Variants in VWA3A observed in about 807,000 individuals in gnomAD.
The protein encoded by VWA3A is von Willebrand factor A domain-containing protein 3A.
VWA3A carries 134 observed loss-of-function variants against 160.4 expected under a neutral mutation model. That is an observed-to-expected ratio of 0.84 (90% CI 0.73 to 0.96). VWA3A has a LOEUF of 0.96. VWA3A is among the 40% of genes least tolerant of loss of function. The probability of loss-of-function intolerance (pLI) is 0.00; values close to 1 mark genes in which losing one functional copy is unlikely to be tolerated. For missense variants in VWA3A, 1,310 were observed against 1,447.9 expected, an observed-to-expected ratio of 0.90 and a Z score of 1.55; for synonymous variants, 476 against 543.4, an observed-to-expected ratio of 0.88 and a Z score of 1.72.
At chr16:22,154,810 C>T (rs1257228824) in intron 31 of VWA3A, among the ~76,000 whole-genome samples, 4 of 150,068 alleles carry the variant, frequency 2.7e-5, no homozygotes, top group African/African-American at 4.9e-5. Flanking sequence ...AAAAATTAGC[C>T]GGGCGCGGTG....
intron 8 of VWA3A, among the ~76,000 whole-genome samples, chr16:22,113,914 A>G (rs2045593705): frequency 6.6e-6 from 1 of 152,166 alleles, no homozygotes. Context: ...GAAACTTTCT[A>G]TCAATACCAT....
intron 3 of VWA3A, among the ~76,000 whole-genome samples, chr16:22,099,317 C>T (rs1001229954): frequency 2.0e-5 from 3 of 152,146 alleles, no homozygotes; most frequent in Non-Finnish European, 4.4e-5. Context: ...TCCTCTCACT[C>T]CTTCATGGAG....
intron 2 of VWA3A, 114 bp downstream of exon 2, chr16:22,097,059 G>A (rs552224296): frequency 3.9e-5 from 26 of 667,714 alleles, no homozygotes; most frequent in East Asian, 1.1e-4. Context: ...TCTGCCCTCC[G>A]GGTTCATGCC....
At chr16:22,098,368 A>G (rs1180361379) in intron 3 of VWA3A, among the ~76,000 whole-genome samples, 1 of 152,242 alleles carries the variant, frequency 6.6e-6, no homozygotes, top group East Asian at 1.9e-4. Context: ...CACTTACAGG[A>G]AAGCAAGCTT....
Position 22,097,578 on chromosome 16 carries a change from G to A in VWA3A, c.108G>A (p.Arg36=). The change falls in exon 3 of 34, where the codon AGG becomes AGA. Residue 36 remains arginine, a synonymous_variant. Transcript: ENST00000389398. ...ATTACTTTATGTTTTGTAGCATTAGGAGAAACACTGGCAGAGATTCAAAGA... is the reference window on the plus strand; with the variant it reads ...ATTACTTTATGTTTTGTAGCATTAGAAGAAACACTGGCAGAGATTCAAAGA... ...ENMFLENHCI[R]RNTGRDSKKP... The A allele has an allele frequency of 2.6e-6, 4 of 1,551,460 alleles. No homozygotes were observed. Among genetic ancestry groups the A allele is most frequent in the Non-Finnish European group, 3.5e-6 (4 of 1,146,926 alleles).
In VWA3A at chr16:22,125,366, A is replaced by G. The variant is rs551585621; in HGVS notation, c.1533-812A>G. On this transcript the variant is annotated intron_variant, in intron 16 of 33. Coordinates refer to ENST00000389398, the MANE Select transcript of VWA3A (RefSeq NM_173615.5). ...GCACCATTGCACTCCAGCCTGGGCA[A>G]CAGAGAGAGACCGTCTAAATATATA... Among the ~76,000 whole-genome samples the G allele has an allele frequency of 2.6e-5, 4 of 152,066 alleles. No individual in the cohort carries two copies. In the South Asian group the frequency reaches 8.3e-4, roughly 32 times the overall value.
chr16:22,142,337 G>T (rs540514566), intron 24 of VWA3A, among the ~76,000 whole-genome samples: 6 of 152,238 alleles, frequency 3.9e-5, no homozygotes, highest in African/African-American at 1.4e-4. Context: ...TTGGGCATCT[G>T]GTGAGAGCTT....
At position 22,131,611 on chromosome 16, in the gene VWA3A, G is replaced by T. The variant is rs772195121; in HGVS notation, c.1754G>T (p.Gly585Val). ...WRWALNLRCR[G>V]SRNVLSALRK... is the part of the protein sequence containing the mutation. Reference sequence around the variant, plus strand: ...TGGGCCCTGAACCTGCGGTGTCGGGGCAGCAGGAACGTTCTCAGCGCCCTG... The same window carrying T: ...TGGGCCCTGAACCTGCGGTGTCGGGTCAGCAGGAACGTTCTCAGCGCCCTG... Residue 585 changes from glycine (G) to valine (V), a missense_variant, in exon 19 of 34, where the codon GGC becomes GTC. Transcript: ENST00000389398. 3 of 1,613,622 alleles carry T rather than the reference G, an allele frequency of 1.9e-6. No homozygotes were observed. The African/African-American group carries it at 4.0e-5, about 22-fold the overall frequency.
In VWA3A at chr16:22,119,037, G is replaced by A. The variant is rs199821757; in HGVS notation, c.1116+10G>A. ...CTGCACCATGGAGGAGGTAGGTGGT[G>A]CGAGTGTCAATTCTGGGGCCTTCTC... is the stretch of plus-strand genomic sequence containing the variant. On this transcript the variant is annotated intron_variant, in intron 12 of 33. Transcript: ENST00000389398. 1.6e-5 allele frequency: 25 copies of A among 1,601,476 alleles called. No homozygotes were observed. Among genetic ancestry groups the A allele is most frequent in the Non-Finnish European group, 2.0e-5 (24 of 1,173,934 alleles).
At chr16:22,134,025 G>A (rs2045997639) in intron 20 of VWA3A, among the ~76,000 whole-genome samples, 9 of 152,032 alleles carry the variant, frequency 5.9e-5, no homozygotes, top group Admixed American at 5.9e-4. Flanking sequence ...GTGCAGTGGT[G>A]CCATCATACT....
intron 29 of VWA3A, 30 bp from the exon 30 acceptor site, chr16:22,150,665 G>C (rs1363236509): frequency 6.3e-7 from 1 of 1,588,056 alleles, no homozygotes; most frequent in East Asian, 2.3e-5. Flanking sequence ...CCTCTCCCCT[G>C]AGCCTGACAG....
At chr16:22,138,108 C>A (rs1001324025) in intron 21 of VWA3A, among the ~76,000 whole-genome samples, 1 of 152,192 alleles carries the variant, frequency 6.6e-6, no homozygotes, top group Non-Finnish European at 1.5e-5. Context: ...GACTTGTTGG[C>A]ATGAGGGTTG....
chr16:22,107,447 TAAAG>T (rs1433686018), intron 6 of VWA3A, among the ~76,000 whole-genome samples: 1 of 152,046 alleles, frequency 6.6e-6, no homozygotes, highest in African/African-American at 2.4e-5. Context: ...CTGGGGTAGA[TAAAG>T]AAGAGAGTGG....
At chr16:22,132,314 G>A (rs1227757716) in intron 19 of VWA3A, among the ~76,000 whole-genome samples, 1 of 151,966 alleles carries the variant, frequency 6.6e-6, no homozygotes, top group African/African-American at 2.4e-5. Flanking sequence ...ACCTGGAGGG[G>A]GAGGTTGCGG....
At position 22,155,884 on chromosome 16, in the gene VWA3A, A is replaced by G. The variant is rs1294022542; in HGVS notation, c.3537A>G (p.Pro1179=). The G allele has an allele frequency of 6.2e-7, 1 of 1,614,012 alleles. No homozygotes were observed. Among genetic ancestry groups the G allele is most frequent in the Admixed American group, 1.7e-5 (1 of 60,028 alleles). Residue 1179 remains proline, a synonymous_variant, in exon 33 of 34, where the codon CCA becomes CCG. Coordinates refer to ENST00000389398, the MANE Select transcript of VWA3A (RefSeq NM_173615.5). ...TCCAGAAGAAAAATGATGCAGAACC[A>G]AAGGTCACTCTTTCCTAGAGAAGTG... ...SQLQKKNDAE[P]KVTLS
chr16:22,100,098 A>G (rs2045384068), intron 3 of VWA3A, 96 bp from the exon 4 acceptor site: 2 of 1,382,510 alleles, frequency 1.4e-6, no homozygotes, highest in Non-Finnish European at 1.9e-6. Context: ...AGATAGGGTC[A>G]GTCTGAGTTG....
At position 22,120,950 on chromosome 16, in the gene VWA3A, C is replaced by A. The variant is rs2045722569; in HGVS notation, c.1117-18C>A. 6.2e-7 allele frequency: 1 copy of A among 1,613,452 alleles called. No homozygotes were observed. Among genetic ancestry groups the A allele is most frequent in the Non-Finnish European group, 8.5e-7 (1 of 1,179,670 alleles). On this transcript the variant is annotated intron_variant, in intron 12 of 33. Transcript: ENST00000389398. ...CTAAAATATGATTATGTAATGAGGGCTTTCTCATTTAACTTAGATTTCCAC... is the reference window on the plus strand; with the variant it reads ...CTAAAATATGATTATGTAATGAGGGATTTCTCATTTAACTTAGATTTCCAC...
chr16:22,142,823 C>T, intron 25 of VWA3A, 58 bp downstream of exon 25: 3 of 1,288,758 alleles, frequency 2.3e-6, no homozygotes, highest in South Asian at 1.3e-5. Context: ...TTCTGTCCAC[C>T]AACCATTACT....
At chr16:22,110,789 T>A (rs2045542003) in intron 7 of VWA3A, 99 bp from the exon 8 acceptor site, 2 of 1,151,316 alleles carry the variant, frequency 1.7e-6, no homozygotes, top group Non-Finnish European at 1.2e-6. Flanking sequence ...TCAGTACAGC[T>A]CACACCCAGC....
Sources: gnomAD v4.1 joint callset for allele counts (sites outside exome capture counted in the v4.1 genomes callset) on GRCh38, gnomAD v4.1.1 for gene constraint, MANE v1.5 for transcripts, NCBI Gene and HGNC (gene_info 2026-07-23, HGNC 2026-07-21) for gene names.